The following ATP8A2 variants were observed in gnomAD, a reference collection of about 807,000 sequenced individuals.
The protein encoded by ATP8A2 is phospholipid-transporting ATPase IB.
ATP8A2 carries 100 observed loss-of-function variants against 165.6 expected under a neutral mutation model. The observed-to-expected ratio is 0.60, with a 90% confidence interval of 0.51 to 0.71. The LOEUF (loss-of-function observed/expected upper bound fraction) is 0.71. Among genes scored for constraint, ATP8A2 ranks in the 30% least tolerant of loss-of-function variants. ATP8A2 has a pLI of 0.00. For synonymous variants in ATP8A2, 543 were observed against 548.8 expected (o/e 0.99, Z 0.15); for missense variants, 1,227 against 1,479.5 (o/e 0.83, Z 2.80).
intron 2 of ATP8A2, among the ~76,000 whole-genome samples, chr13:25,510,355 GAAGA>G (rs1377936766): frequency 6.6e-6 from 1 of 152,228 alleles, no homozygotes; most frequent in African/African-American, 2.4e-5. Context: ...TTGATGAAAA[GAAGA>G]AAGAAAGATG....
chr13:25,572,696 T>C (rs2039502470), intron 18 of ATP8A2, among the ~76,000 whole-genome samples: 1 of 152,196 alleles, frequency 6.6e-6, no homozygotes, highest in Non-Finnish European at 1.5e-5. Flanking sequence ...TCTGCATTGA[T>C]GATAAGGGTC....
chr13:25,909,845 T>C (rs1366284820), intron 33 of ATP8A2, among the ~76,000 whole-genome samples: 1 of 152,218 alleles, frequency 6.6e-6, no homozygotes, highest in African/African-American at 2.4e-5. Flanking sequence ...TTCTACTTCC[T>C]GTCTCTGTGA....
At chr13:25,419,681 T>G (rs1292314737) in intron 1 of ATP8A2, among the ~76,000 whole-genome samples, 1 of 152,224 alleles carries the variant, frequency 6.6e-6, no homozygotes, top group Non-Finnish European at 1.5e-5. Flanking sequence ...CAAGTGTTGA[T>G]TCTGTGCAGG....
intron 27 of ATP8A2, among the ~76,000 whole-genome samples, chr13:25,796,627 GC>G (rs1197951460): frequency 6.6e-6 from 1 of 152,192 alleles, no homozygotes; most frequent in African/African-American, 2.4e-5. Context: ...TTCAGCACTA[GC>G]CCAGAGGGAA....
chr13:25,755,096 G>T (rs2044232848), intron 25 of ATP8A2, among the ~76,000 whole-genome samples: 1 of 152,184 alleles, frequency 6.6e-6, no homozygotes, highest in Non-Finnish European at 1.5e-5. Context: ...TGCTTGAGGA[G>T]ACAATGTTTG....
intron 1 of ATP8A2, among the ~76,000 whole-genome samples, chr13:25,442,150 C>T (rs2034948133): frequency 6.6e-6 from 1 of 152,170 alleles, no homozygotes; most frequent in Non-Finnish European, 1.5e-5. Flanking sequence ...ATAAGCAAAC[C>T]AACTTGGGTT....
intron 1 of ATP8A2, among the ~76,000 whole-genome samples, chr13:25,420,813 C>T (rs2034277719): frequency 6.6e-6 from 1 of 152,202 alleles, no homozygotes; most frequent in African/African-American, 2.4e-5. Flanking sequence ...GCAACTTGAA[C>T]ACAAGAAGCT....
At chr13:25,657,745 T>G (rs1845679393) in intron 24 of ATP8A2, among the ~76,000 whole-genome samples, 1 of 152,268 alleles carries the variant, frequency 6.6e-6, no homozygotes, top group African/African-American at 2.4e-5. Flanking sequence ...ATGACCTTGT[T>G]AAAACATATT....
chr13:25,834,031 T>C (rs938102994), intron 28 of ATP8A2, among the ~76,000 whole-genome samples: 3 of 152,068 alleles, frequency 2.0e-5, no homozygotes, highest in Admixed American at 6.5e-5. Flanking sequence ...AGCCAGCAAA[T>C]GTATGAAAAC....
chr13:25,768,986 T>G, intron 25 of ATP8A2, 60 bp from the exon 26 acceptor site: 2 of 1,484,116 alleles, frequency 1.3e-6, no homozygotes, highest in Non-Finnish European at 1.9e-6. Flanking sequence ...GGAATGTAGA[T>G]TACAGCTGTT....
intron 25 of ATP8A2, among the ~76,000 whole-genome samples, chr13:25,738,167 C>T (rs2043820711): frequency 6.6e-6 from 1 of 152,192 alleles, no homozygotes; most frequent in African/African-American, 2.4e-5. Flanking sequence ...GTGCAAGATG[C>T]TGTCCAGAGG....
chr13:25,737,165 A>G (rs1230475914), intron 25 of ATP8A2, among the ~76,000 whole-genome samples: 1 of 152,144 alleles, frequency 6.6e-6, no homozygotes, highest in East Asian at 1.9e-4. Context: ...AGAGATCATA[A>G]CTCTGCAAGG....
At chr13:25,594,982 G>GTATA (rs1275140289) in intron 24 of ATP8A2, among the ~76,000 whole-genome samples, 4 of 82,512 alleles carry the variant, frequency 4.8e-5, no homozygotes, top group African/African-American at 1.9e-4. Flanking sequence ...GTGTGTGTGT[G>GTATA]TGTATATATA....
At position 25,553,026 on chromosome 13, in the gene ATP8A2, A is replaced by G. The variant is rs575871939; in HGVS notation, c.1058-767A>G. Among the ~76,000 whole-genome samples, 41 of 152,130 alleles carry G rather than the reference A, an allele frequency of 2.7e-4. No individual in the cohort carries two copies. In the South Asian group the frequency reaches 8.1e-3, roughly 30 times the overall value. The stretch of plus-strand genomic sequence containing the variant: ...CCAGCCTTCTGCTATCTTTATTCTC[A>G]TTCTAGTTCCCTTCACAGCTTTAAT... On this transcript the variant is annotated intron_variant, in intron 11 of 36. Coordinates refer to ENST00000381655, the MANE Select transcript of ATP8A2 (RefSeq NM_016529.6).
At chr13:25,570,904 C>T (rs1209468449) in intron 17 of ATP8A2, 32 bp downstream of exon 17, 18 of 1,526,520 alleles carry the variant, frequency 1.2e-5, no homozygotes, top group Non-Finnish European at 1.5e-5. Flanking sequence ...GCCCTGCTGG[C>T]CCCTTCTCAG....
intron 27 of ATP8A2, among the ~76,000 whole-genome samples, chr13:25,778,735 A>G (rs1175928661): frequency 3.3e-5 from 5 of 152,044 alleles, no homozygotes; most frequent in African/African-American, 1.2e-4. Flanking sequence ...TGAAATGCCC[A>G]TCTCCGTCCC....
chr13:25,909,868 T>C (rs1266006865), intron 33 of ATP8A2, among the ~76,000 whole-genome samples: 6 of 152,190 alleles, frequency 3.9e-5, no homozygotes, highest in Admixed American at 3.9e-4. Flanking sequence ...TTACCTATTC[T>C]AGGAACCCCA....
rs1048787 is a variant in ATP8A2, at chr13:26,025,587, G to A, written c.*5602G>A. On this transcript the variant is annotated 3_prime_UTR_variant, in exon 37 of 37. Transcript: ENST00000381655. ...TTAATTGGCTCCCAGCAGCGTGGGGGGTGCTTCTATGGTGTGTGGGGTTTT... is the reference window on the plus strand; with the variant it reads ...TTAATTGGCTCCCAGCAGCGTGGGGAGTGCTTCTATGGTGTGTGGGGTTTT... 0.57 allele frequency: 85,988 copies of A among 152,030 alleles called. 25,639 individuals are homozygous for A. The highest frequency in any genetic ancestry group is 0.79 in the South Asian group (3,814 of 4,814). The allele number at this position is 152,030 out of a possible 1,614,324, so 9.4% of individuals were successfully genotyped here.
intron 1 of ATP8A2, among the ~76,000 whole-genome samples, chr13:25,417,523 G>A (rs539450366): frequency 2.4e-5 from 2 of 84,366 alleles, no homozygotes; most frequent in South Asian, 6.6e-4. Flanking sequence ...TCATGGTACA[G>A]ATGGGATTAA....
Sources: gnomAD v4.1 joint callset for allele counts (sites outside exome capture counted in the v4.1 genomes callset) on GRCh38, gnomAD v4.1.1 for gene constraint, MANE v1.5 for transcripts, NCBI Gene and HGNC (gene_info 2026-07-23, HGNC 2026-07-21) for gene names.